Variants in ADAMTSL3 observed in about 807,000 individuals in gnomAD.
ADAMTSL3 encodes ADAMTS like 3, also known as ADAMTS-like protein 3.
Under a neutral mutation model 201.7 loss-of-function variants are expected in ADAMTSL3, and 128 were observed. The observed-to-expected ratio is 0.63, with a 90% CI of 0.55 to 0.73. The LOEUF (loss-of-function observed/expected upper bound fraction) is 0.73. Among genes scored for constraint, ADAMTSL3 ranks in the 30% least tolerant of loss-of-function variants. The pLI is 0.00. For synonymous variants in ADAMTSL3, 738 were observed against 748.4 expected, an observed-to-expected ratio of 0.99 and a Z score of 0.23; for missense variants, 1,990 against 2,119.6, an observed-to-expected ratio of 0.94 and a Z score of 1.20.
intron 7 of ADAMTSL3, among the ~76,000 whole-genome samples, chr15:83,847,377 C>T (rs142346172): frequency 2.0e-5 from 3 of 152,194 alleles, no homozygotes; most frequent in Non-Finnish European, 4.4e-5. Flanking sequence ...TTCCTTTTTT[C>T]GCCTTCCAAA....
At chr15:83,999,148 C>T (rs2067743059) in intron 23 of ADAMTSL3, among the ~76,000 whole-genome samples, 1 of 152,112 alleles carries the variant, frequency 6.6e-6, no homozygotes, top group Non-Finnish European at 1.5e-5. Flanking sequence ...TTCCTGTAAC[C>T]CTTTCTCTAA....
chr15:83,743,519 CAAAAAAA>C (rs759218799), intron 3 of ADAMTSL3, among the ~76,000 whole-genome samples: 1 of 57,096 alleles, frequency 1.8e-5, no homozygotes, highest in Non-Finnish European at 3.8e-5. Flanking sequence ...GACTCCGTCT[CAAAAAAA>C]AAAAAAAAAA....
chr15:83,753,139 C>G (rs2062665054), intron 3 of ADAMTSL3, among the ~76,000 whole-genome samples: 2 of 152,208 alleles, frequency 1.3e-5, no homozygotes, highest in South Asian at 4.1e-4. Context: ...ACCCTGGCTA[C>G]CTTTCTGAAG....
intron 17 of ADAMTSL3, among the ~76,000 whole-genome samples, chr15:83,936,091 T>C (rs549072174): frequency 6.6e-6 from 1 of 152,228 alleles, no homozygotes; most frequent in Non-Finnish European, 1.5e-5. Flanking sequence ...ATTGTAAAGA[T>C]ATTTAATCTA....
At chr15:84,030,416 G>C (rs962238342) in intron 27 of ADAMTSL3, among the ~76,000 whole-genome samples, 4 of 152,186 alleles carry the variant, frequency 2.6e-5, no homozygotes, top group Non-Finnish European at 5.9e-5. Context: ...GATCATATCG[G>C]AACTTTAAGA....
At chr15:83,971,568 AAAAAAAAAAG>A (rs1299543074) in intron 20 of ADAMTSL3, among the ~76,000 whole-genome samples, 2 of 147,240 alleles carry the variant, frequency 1.4e-5, no homozygotes, top group Non-Finnish European at 3.0e-5. Context: ...CAAAAAAAAA[AAAAAAAAAAG>A]AAAGAAAGAA....
At chr15:83,771,004 G>T (rs768377986) in intron 3 of ADAMTSL3, among the ~76,000 whole-genome samples, 1 of 152,110 alleles carries the variant, frequency 6.6e-6, no homozygotes, top group Admixed American at 6.5e-5. Flanking sequence ...CCAGGAGGTG[G>T]AGGTGGTAGT....
At chr15:83,681,486 G>GTT (rs557474922) in intron 2 of ADAMTSL3, among the ~76,000 whole-genome samples, 1 of 152,200 alleles carries the variant, frequency 6.6e-6, no homozygotes, top group Non-Finnish European at 1.5e-5. Flanking sequence ...ATCCACCGTT[G>GTT]TTTGCTTTTG....
intron 16 of ADAMTSL3, 35 bp from the exon 17 acceptor site, chr15:83,923,869 T>C: frequency 1.9e-6 from 3 of 1,611,202 alleles, no homozygotes; most frequent in Non-Finnish European, 2.5e-6. Flanking sequence ...AATTATTCCA[T>C]GTCATTTGCA....
chr15:83,961,215 G>T (rs1233016518), intron 19 of ADAMTSL3, among the ~76,000 whole-genome samples: 1 of 152,026 alleles, frequency 6.6e-6, no homozygotes, highest in Non-Finnish European at 1.5e-5. Flanking sequence ...TAAAGGAAAT[G>T]ACTGGAAATA....
intron 2 of ADAMTSL3, among the ~76,000 whole-genome samples, chr15:83,700,761 C>T (rs2061763804): frequency 6.6e-6 from 1 of 151,828 alleles, no homozygotes; most frequent in Non-Finnish European, 1.5e-5. Context: ...AAGACTCCGT[C>T]TAAAAAAAAT....
chr15:83,815,764 A>C (rs1388447089), intron 5 of ADAMTSL3, among the ~76,000 whole-genome samples: 1 of 152,258 alleles, frequency 6.6e-6, no homozygotes, highest in Non-Finnish European at 1.5e-5. Flanking sequence ...TTTGAGAATC[A>C]GTCTTGGCTT....
intron 2 of ADAMTSL3, among the ~76,000 whole-genome samples, chr15:83,661,027 A>C (rs561038916): frequency 1.9e-4 from 28 of 146,036 alleles, no homozygotes; most frequent in Non-Finnish European, 3.8e-4. Context: ...AGCACCATTT[A>C]TTAAATAGGG....
intron 23 of ADAMTSL3, among the ~76,000 whole-genome samples, chr15:84,008,602 C>T (rs1303483421): frequency 6.6e-6 from 1 of 151,954 alleles, no homozygotes; most frequent in Non-Finnish European, 1.5e-5. Flanking sequence ...GACGTTTTCT[C>T]TTCTCTATAT....
At chr15:83,822,481 G>GGTC (rs1596270476) in intron 6 of ADAMTSL3, among the ~76,000 whole-genome samples, 2 of 145,456 alleles carry the variant, frequency 1.4e-5, no homozygotes, top group East Asian at 4.2e-4. Flanking sequence ...TCTCAGACGG[G>GGTC]GCGGCCGGGC....
intron 19 of ADAMTSL3, among the ~76,000 whole-genome samples, chr15:83,945,087 T>G (rs1162288427): frequency 6.6e-6 from 1 of 152,178 alleles, no homozygotes; most frequent in African/African-American, 2.4e-5. Flanking sequence ...ACATAAACTT[T>G]CCCTGAAACC....
At chr15:83,951,461 G>A (rs759241416) in intron 19 of ADAMTSL3, among the ~76,000 whole-genome samples, 9 of 152,000 alleles carry the variant, frequency 5.9e-5, no homozygotes, top group Admixed American at 1.3e-4. Flanking sequence ...ATCAGGCCCT[G>A]TAGTTTTCTT....
At chr15:83,756,337 A>G (rs535240804) in intron 3 of ADAMTSL3, among the ~76,000 whole-genome samples, 1 of 152,276 alleles carries the variant, frequency 6.6e-6, no homozygotes, top group East Asian at 1.9e-4. Context: ...GAGGCCTCAT[A>G]CTCATGGCAG....
At chr15:83,789,833 A>G (rs73437274) in intron 4 of ADAMTSL3, among the ~76,000 whole-genome samples, 35 of 152,276 alleles carry the variant, frequency 2.3e-4, no homozygotes, top group African/African-American at 7.5e-4. Context: ...TCAGCTGGAA[A>G]TTTAATCTCT....
Sources: gnomAD v4.1 joint callset for allele counts (sites outside exome capture counted in the v4.1 genomes callset) on GRCh38, gnomAD v4.1.1 for gene constraint, MANE v1.5 for transcripts, NCBI Gene and HGNC (gene_info 2026-07-23, HGNC 2026-07-21) for gene names.